The following CNTNAP4 variants were observed in gnomAD, a reference collection of about 807,000 sequenced individuals.
CNTNAP4 encodes contactin associated protein family member 4.
In CNTNAP4, 98 loss-of-function variants were observed where a neutral mutation model predicts 148.4. That is an observed-to-expected ratio of 0.66 (90% CI 0.56 to 0.78). The LOEUF is 0.78. Ranked by LOEUF, CNTNAP4 falls within the 30% of genes least tolerant of loss-of-function variation. The probability of loss-of-function intolerance (pLI) is 0.00; values close to 1 mark genes in which losing one functional copy is unlikely to be tolerated. For missense variants in CNTNAP4, 1,935 were observed against 1,565.6 expected (o/e 1.24, Z -3.98); for synonymous variants, 730 against 565.1 (o/e 1.29, Z -4.14).
intron 5 of CNTNAP4, 46 bp from the exon 6 acceptor site, chr16:76,448,720 TC>T (rs771598126): frequency 6.4e-6 from 9 of 1,399,534 alleles, no homozygotes; most frequent in South Asian, 2.8e-5. Context: ...TTTTTTTTTT[TC>T]TTTAGACTGG....
intron 3 of CNTNAP4, among the ~76,000 whole-genome samples, chr16:76,417,067 T>G (rs575150803): frequency 3.3e-5 from 5 of 151,614 alleles, no homozygotes; most frequent in African/African-American, 1.2e-4. Flanking sequence ...TGATATATCT[T>G]TCTTCATCCA....
chr16:76,517,206 G>A (rs1217546114), intron 15 of CNTNAP4, among the ~76,000 whole-genome samples: 1 of 152,138 alleles, frequency 6.6e-6, no homozygotes, highest in Admixed American at 6.5e-5. Context: ...GGTTAAAGAA[G>A]GGGTAAGGAG....
chr16:76,293,691 C>G (rs1567603622), intron 1 of CNTNAP4, among the ~76,000 whole-genome samples: 1 of 152,110 alleles, frequency 6.6e-6, no homozygotes, highest in Non-Finnish European at 1.5e-5. Flanking sequence ...TTGCTTGGAA[C>G]TTACTGGACA....
chr16:76,359,317 A>G (rs919163724), intron 3 of CNTNAP4, among the ~76,000 whole-genome samples: 1 of 152,232 alleles, frequency 6.6e-6, no homozygotes, highest in Non-Finnish European at 1.5e-5. Flanking sequence ...TAGGAAACAC[A>G]TAAGGCATTA....
At position 76,448,228 on chromosome 16, in the gene CNTNAP4, G is replaced by A. The variant is rs777862841; in HGVS notation, c.742+13G>A. ...CTTATTAATTCAGGTAAAACTATTC[G>A]GTGAAGTGCTCAAAAATCTGATTAT... On this transcript the variant is annotated intron_variant, in intron 5 of 23. Coordinates refer to ENST00000611870, the MANE Select transcript of CNTNAP4 (RefSeq NM_033401.5). 2.6e-6 allele frequency: 4 copies of A among 1,561,772 alleles called. No individual in the cohort carries two copies. Among genetic ancestry groups the A allele is most frequent in the Admixed American group, 1.7e-5 (1 of 57,482 alleles).
rs180681176 is a variant in CNTNAP4, at chr16:76,500,169, G to A, written c.2365+1475G>A. Among the ~76,000 whole-genome samples the A allele has an allele frequency of 3.4e-4, 52 of 152,182 alleles. No homozygotes were observed. The East Asian group carries it at 8.2e-3, about 24-fold the overall frequency. ...GTGCCCCCCACCTCCCAGACGGGGT[G>A]GCAGCTGGGCGGGGGCTGCCCCCCA... On this transcript the variant is annotated intron_variant, in intron 15 of 23. Coordinates refer to ENST00000611870, the MANE Select transcript of CNTNAP4 (RefSeq NM_033401.5).
At chr16:76,420,026 A>G (rs12149428) in intron 3 of CNTNAP4, among the ~76,000 whole-genome samples, 63,482 of 151,330 alleles carry the variant, frequency 0.42, 13,655 homozygotes, top group African/African-American at 0.51. Context: ...AGAGGGTGCA[A>G]TTTATTCTAT....
At chr16:76,519,317 G>C (rs563174144) in intron 15 of CNTNAP4, among the ~76,000 whole-genome samples, 1 of 152,252 alleles carries the variant, frequency 6.6e-6, no homozygotes. Context: ...TTCATGTACA[G>C]ATAGCAGCAA....
chr16:76,456,706 A>G (rs1042674109), intron 8 of CNTNAP4, among the ~76,000 whole-genome samples: 4 of 152,192 alleles, frequency 2.6e-5, no homozygotes, highest in African/African-American at 9.7e-5. Flanking sequence ...GCTGTGTCCT[A>G]GCTGTTGCGG....
chr16:76,508,426 GTTAATA>G lies in CNTNAP4; in HGVS notation c.2365+9738_2365+9743del, dbSNP rs1162329877. Among the ~76,000 whole-genome samples, 12 of 95,770 alleles carry G rather than the reference GTTAATA, an allele frequency of 1.3e-4. 5 individuals are homozygous for G. The highest frequency in any genetic ancestry group is 3.3e-4 in the Non-Finnish European group (11 of 33,838). The allele number at this position is 95,770 out of a possible 152,430, so 62.8% of individuals were successfully genotyped here. ...ACTTTCAAATAAGAATATAATTTTA[GTTAATA>G]TTAATTTTTTTTAACTTTTCACTCA... On this transcript the variant is annotated intron_variant, in intron 15 of 23. Coordinates refer to ENST00000611870, the MANE Select transcript of CNTNAP4 (RefSeq NM_033401.5).
intron 13 of CNTNAP4, among the ~76,000 whole-genome samples, chr16:76,490,646 C>A (rs2082184377): frequency 6.6e-6 from 1 of 152,102 alleles, no homozygotes. Flanking sequence ...AGAAAATTAA[C>A]CTTTAAGAAA....
At chr16:76,302,782 C>G (rs1960112243) in intron 1 of CNTNAP4, among the ~76,000 whole-genome samples, 1 of 152,044 alleles carries the variant, frequency 6.6e-6, no homozygotes, top group Non-Finnish European at 1.5e-5. Flanking sequence ...TGGCTGAAAT[C>G]TTGAAGACCA....
rs773280151 is a variant in CNTNAP4 at position 76,448,910 on chromosome 16, C to T, written c.886C>T (p.His296Tyr). The T allele has an allele frequency of 1.8e-5, 29 of 1,613,626 alleles. No homozygotes were observed. Among genetic ancestry groups the T allele is most frequent in the Non-Finnish European group, 2.5e-5 (29 of 1,179,834 alleles). ...AGTGGACGAACACAGGCATCATTTC[C>T]ATGCACGGGGAGAATTCAATCTCAT... ...FTVDEHRHHF[H>Y]ARGEFNLMNL... Residue 296 changes from histidine (H) to tyrosine (Y), a missense_variant, in exon 6 of 24, where the codon CAT becomes TAT. Coordinates refer to ENST00000611870, the MANE Select transcript of CNTNAP4 (RefSeq NM_033401.5).
chr16:76,496,849 C>T (rs769616173), intron 14 of CNTNAP4, among the ~76,000 whole-genome samples: 1 of 152,100 alleles, frequency 6.6e-6, no homozygotes, highest in Non-Finnish European at 1.5e-5. Flanking sequence ...ACAAACCAAC[C>T]TTGGGGTACT....
chr16:76,549,997 C>T (rs769135917), intron 21 of CNTNAP4, among the ~76,000 whole-genome samples: 2 of 152,146 alleles, frequency 1.3e-5, no homozygotes, highest in African/African-American at 2.4e-5. Context: ...ATAAGATACA[C>T]ACTTAGGGAC....
rs1174210917 is a variant in CNTNAP4, at chr16:76,505,289, TA to T, written c.2365+6598del. Among the ~76,000 whole-genome samples the T allele has an allele frequency of 2.0e-5, 2 of 100,260 alleles. 1 individual carries two copies. The highest frequency in any genetic ancestry group is 5.7e-5 in the Non-Finnish European group (2 of 35,008). 65.8% of individuals were successfully genotyped at this position (100,260 alleles called of 152,430 possible). ...CCCACAATACACAGTGGAATACTAC[TA>T]AACAATTAAAAAATAGACTATTGAT... On this transcript the variant is annotated intron_variant, in intron 15 of 23. Transcript: ENST00000611870.
intron 1 of CNTNAP4, among the ~76,000 whole-genome samples, chr16:76,296,592 A>G (rs1164917059): frequency 5.3e-5 from 8 of 152,208 alleles, no homozygotes. Context: ...TCTAGAACAC[A>G]GGCATATAAA....
intron 7 of CNTNAP4, among the ~76,000 whole-genome samples, chr16:76,451,175 G>A (rs2080459147): frequency 1.3e-5 from 2 of 152,126 alleles, no homozygotes; most frequent in Non-Finnish European, 2.9e-5. Flanking sequence ...GCCGCTGTGT[G>A]ACCACCCCTC....
Position 76,473,556 on chromosome 16 carries a change from G to A in CNTNAP4, c.1656-2383G>A, listed in dbSNP as rs1013550665. ...TGGGAGGCCGAGGCGGGCAGATCAC[G>A]AGGTCAGGAGATCGAGACCATCCTG... On this transcript the variant is annotated intron_variant, in intron 10 of 23. Transcript: ENST00000611870. Among the ~76,000 whole-genome samples, 6 of 152,122 alleles carry A rather than the reference G, an allele frequency of 3.9e-5. No individual in the cohort carries two copies. In the South Asian group the frequency reaches 6.2e-4, roughly 16 times the overall value.
Sources: gnomAD v4.1 joint callset for allele counts (sites outside exome capture counted in the v4.1 genomes callset) on GRCh38, gnomAD v4.1.1 for gene constraint, MANE v1.5 for transcripts, NCBI Gene and HGNC (gene_info 2026-07-23, HGNC 2026-07-21) for gene names.